LMBR1: variants seen among roughly 807,000 people sequenced by gnomAD.
LMBR1 encodes limb region 1 protein homolog.
A neutral mutation model predicts 73.9 loss-of-function variants in LMBR1; 52 were observed. The ratio of observed to expected loss-of-function variants is 0.70; its 90% confidence interval spans 0.56 to 0.89. The LOEUF is 0.89. LMBR1 is among the 40% of genes least tolerant of loss of function. The pLI is 0.00. For synonymous variants in LMBR1, 215 were observed against 209.4 expected (o/e 1.03, Z -0.23); for missense variants, 539 against 579.8 (o/e 0.93, Z 0.72).
At chr7:156,891,920 T>C (rs1803069845) in intron 1 of LMBR1, among the ~76,000 whole-genome samples, 1 of 152,234 alleles carries the variant, frequency 6.6e-6, no homozygotes. Context: ...ACAAATTAGA[T>C]AATTCTAAAG....
chr7:156,766,791 G>A (rs1262152187), intron 5 of LMBR1, among the ~76,000 whole-genome samples: 1 of 152,120 alleles, frequency 6.6e-6, no homozygotes, highest in African/African-American at 2.4e-5. Context: ...GCCCACTGCT[G>A]GCTAGGTTGT....
downstream of LMBR1, chr7:156,676,544 C>T: frequency 6.2e-7 from 1 of 1,614,158 alleles, no homozygotes; most frequent in Non-Finnish European, 8.5e-7. Flanking sequence ...CACATGTGTT[C>T]CACCATGCGT....
Position 156,879,267 on chromosome 7 carries a change from A to T in LMBR1, c.66+13661T>A, listed in dbSNP as rs1800678345. 2.0e-5 allele frequency among the ~76,000 whole-genome samples: 3 copies of T among 152,338 alleles called. No homozygotes were observed. In the South Asian group the frequency reaches 6.2e-4, roughly 32 times the overall value. On this transcript the variant is annotated intron_variant, in intron 1 of 16. Coordinates refer to ENST00000353442, the MANE Select transcript of LMBR1 (RefSeq NM_022458.4). ...AGCAGAGTAAACAGAAAACCCACAGAGTGGGAGAAAATCTTCACAATCTAT... is the reference window on the plus strand; with the variant it reads ...AGCAGAGTAAACAGAAAACCCACAGTGTGGGAGAAAATCTTCACAATCTAT...
At chr7:156,741,521 A>T (rs1818891557) in intron 9 of LMBR1, among the ~76,000 whole-genome samples, 2 of 152,210 alleles carry the variant, frequency 1.3e-5, no homozygotes, top group Admixed American at 1.3e-4. Context: ...ATCAGACAAA[A>T]TAGATTTCAA....
chr7:156,701,603 C>T (rs142274166), intron 15 of LMBR1, among the ~76,000 whole-genome samples: 1 of 152,302 alleles, frequency 6.6e-6, no homozygotes, highest in East Asian at 1.9e-4. Context: ...TCATTCTATG[C>T]TGTCAGGAAT....
At chr7:156,753,638 T>C (rs966776998) in intron 9 of LMBR1, among the ~76,000 whole-genome samples, 1 of 152,124 alleles carries the variant, frequency 6.6e-6, no homozygotes, top group Non-Finnish European at 1.5e-5. Flanking sequence ...GCAAGGAACC[T>C]GGATGTTCTG....
chr7:156,766,703 C>T (rs934511491), intron 5 of LMBR1, among the ~76,000 whole-genome samples: 1 of 152,034 alleles, frequency 6.6e-6, no homozygotes, highest in Admixed American at 6.5e-5. Context: ...AAGTGGTGGG[C>T]AAGCAGGAGG....
At chr7:156,820,756 C>T (rs1834650828) in intron 4 of LMBR1, among the ~76,000 whole-genome samples, 1 of 152,150 alleles carries the variant, frequency 6.6e-6, no homozygotes, top group South Asian at 2.1e-4. Context: ...GTTTACTGAG[C>T]GGCCTGAAAA....
intron 15 of LMBR1, among the ~76,000 whole-genome samples, chr7:156,715,127 T>A (rs1585334749): frequency 6.6e-6 from 1 of 151,958 alleles, no homozygotes. Flanking sequence ...AATTTTTATA[T>A]TTTTAGTAGA....
rs995215867 is a variant in LMBR1, at chr7:156,685,900, A to C, written c.1388-1737T>G. ...TTTTACATCACTCATAAACTAATAT[A>C]GCACTCCAAATTTTAATCTTCCTGT... On this transcript the variant is annotated intron_variant, in intron 16 of 16. Coordinates refer to ENST00000353442, the MANE Select transcript of LMBR1 (RefSeq NM_022458.4). The surrounding 1 kb of genome is among the most constrained non-coding windows in gnomAD (Gnocchi z 4.1). Among the ~76,000 whole-genome samples, 7 of 152,252 alleles carry C rather than the reference A, an allele frequency of 4.6e-5. No individual in the cohort carries two copies. The highest frequency in any genetic ancestry group is 8.8e-5 in the Non-Finnish European group (6 of 68,044).
chr7:156,748,874 T>C (rs1425037874), intron 9 of LMBR1, among the ~76,000 whole-genome samples: 2 of 152,208 alleles, frequency 1.3e-5, no homozygotes, highest in African/African-American at 4.8e-5. Flanking sequence ...TAGTTCATTA[T>C]TCCTAAGCAT....
intron 9 of LMBR1, among the ~76,000 whole-genome samples, chr7:156,753,387 G>A (rs1821249730): frequency 6.6e-6 from 1 of 152,048 alleles, no homozygotes; most frequent in African/African-American, 2.4e-5. Flanking sequence ...AAGGGAACAG[G>A]AGGGCACCTA....
chr7:156,881,444 T>C (rs1166400505), intron 1 of LMBR1, among the ~76,000 whole-genome samples: 3 of 152,104 alleles, frequency 2.0e-5, no homozygotes, highest in Non-Finnish European at 4.4e-5. Context: ...TTCACGGATA[T>C]AACATCAATA....
intron 4 of LMBR1, chr7:156,822,436 C>G (rs1834941055): frequency 6.6e-6 from 1 of 152,150 alleles, no homozygotes; most frequent in East Asian, 1.9e-4. Context: ...CCAGGTCTAT[C>G]TGACTCCAAA....
chr7:156,755,451 G>C (rs1821686229), intron 9 of LMBR1, among the ~76,000 whole-genome samples: 1 of 152,198 alleles, frequency 6.6e-6, no homozygotes, highest in Admixed American at 6.5e-5. Context: ...AAACAGAAAT[G>C]GTGGCTACCT....
At chr7:156,879,443 T>A (rs1800711998) in intron 1 of LMBR1, among the ~76,000 whole-genome samples, 1 of 152,028 alleles carries the variant, frequency 6.6e-6, no homozygotes, top group Non-Finnish European at 1.5e-5. Flanking sequence ...GGCGAGCAGA[T>A]CCCGAGGTCA....
chr7:156,890,310 C>G (rs1021314760), intron 1 of LMBR1, among the ~76,000 whole-genome samples: 5 of 151,752 alleles, frequency 3.3e-5, no homozygotes, highest in Admixed American at 3.3e-4. Flanking sequence ...ATTAAAAGTA[C>G]TCAAAAAAAT....
At chr7:156,759,079 G>A (rs1004630282) in intron 8 of LMBR1, among the ~76,000 whole-genome samples, 2 of 152,186 alleles carry the variant, frequency 1.3e-5, no homozygotes, top group African/African-American at 4.8e-5. Flanking sequence ...GCAGAAGAGA[G>A]CAGATGAATT....
intron 4 of LMBR1, among the ~76,000 whole-genome samples, chr7:156,825,628 A>T (rs969468156): frequency 2.6e-5 from 4 of 152,220 alleles, no homozygotes; most frequent in Non-Finnish European, 5.9e-5. Context: ...TATGAGAGAC[A>T]AGAGTTCAGT....
Sources: gnomAD v4.1 joint callset for allele counts (sites outside exome capture counted in the v4.1 genomes callset) on GRCh38, gnomAD v4.1.1 for gene constraint, Gnocchi (gnomAD v3.1) non-coding constraint, MANE v1.5 for transcripts, NCBI Gene and HGNC (gene_info 2026-07-23, HGNC 2026-07-21) for gene names.